The following GPR176 variants were observed in gnomAD, a reference collection of about 807,000 sequenced individuals.
The protein encoded by GPR176 is G-protein coupled receptor 176.
GPR176 carries 26 observed loss-of-function variants against 35.4 expected under a neutral mutation model. That is an observed-to-expected ratio of 0.74 (90% CI 0.54 to 1.02). GPR176 has a LOEUF of 1.02. GPR176 is among the 50% of genes least tolerant of loss of function. The pLI is 0.00. For synonymous variants in GPR176, 278 were observed against 271.3 expected (o/e 1.02, Z -0.24); for missense variants, 597 against 665.3 (o/e 0.90, Z 1.13).
At chr15:39,843,865 T>A (rs1053553699) in intron 1 of GPR176, among the ~76,000 whole-genome samples, 13 of 152,136 alleles carry the variant, frequency 8.5e-5, no homozygotes, top group Admixed American at 7.2e-4. Context: ...ACTTCCCTCA[T>A]TTAATTTCCT....
chr15:39,879,054 G>A (rs557520134), intron 1 of GPR176, among the ~76,000 whole-genome samples: 1 of 152,334 alleles, frequency 6.6e-6, no homozygotes, highest in East Asian at 1.9e-4. Flanking sequence ...ACTGAGTGCT[G>A]TAATGATACT....
chr15:39,911,441 C>T (rs1308386708), intron 1 of GPR176, among the ~76,000 whole-genome samples: 1 of 152,192 alleles, frequency 6.6e-6, no homozygotes. Flanking sequence ...ACAACTGTTT[C>T]GTATATGATT....
chr15:39,861,319 A>G (rs926819193), intron 1 of GPR176, among the ~76,000 whole-genome samples: 11 of 152,176 alleles, frequency 7.2e-5, no homozygotes, highest in Non-Finnish European at 4.4e-5. Flanking sequence ...TGGGAGGCCG[A>G]GGCTGGCAGA....
intron 1 of GPR176, among the ~76,000 whole-genome samples, chr15:39,870,158 C>T (rs974303977): frequency 2.6e-5 from 4 of 152,156 alleles, no homozygotes; most frequent in African/African-American, 9.7e-5. Flanking sequence ...GTCACATCTC[C>T]TCCTTCTGTA....
intron 1 of GPR176, among the ~76,000 whole-genome samples, chr15:39,822,506 T>C (rs1900341615): frequency 6.6e-6 from 1 of 152,254 alleles, no homozygotes; most frequent in African/African-American, 2.4e-5. Flanking sequence ...CATGAAACTA[T>C]AAATTAGTGA....
chr15:39,892,039 C>A (rs2032892112), intron 1 of GPR176, among the ~76,000 whole-genome samples: 1 of 152,102 alleles, frequency 6.6e-6, no homozygotes, highest in Non-Finnish European at 1.5e-5. Flanking sequence ...AATCTATATC[C>A]TTCTACTTTA....
chr15:39,892,342 A>G (rs1034521257), intron 1 of GPR176, among the ~76,000 whole-genome samples: 4 of 107,466 alleles, frequency 3.7e-5, no homozygotes, highest in Admixed American at 1.1e-4. Flanking sequence ...TAATTACATT[A>G]CATTAAGTAA....
chr15:39,902,898 A>G (rs1056978075), intron 1 of GPR176, among the ~76,000 whole-genome samples: 2 of 152,248 alleles, frequency 1.3e-5, no homozygotes, highest in East Asian at 1.9e-4. Flanking sequence ...TTGCTCAGAA[A>G]ATACAAAGTC....
At chr15:39,861,651 C>A (rs1381206920) in intron 1 of GPR176, among the ~76,000 whole-genome samples, 1 of 152,092 alleles carries the variant, frequency 6.6e-6, no homozygotes, top group Non-Finnish European at 1.5e-5. Context: ...GGATTTCTGA[C>A]AATCTCCATT....
chr15:39,848,366 T>G (rs955779080), intron 1 of GPR176, among the ~76,000 whole-genome samples: 1 of 152,120 alleles, frequency 6.6e-6, no homozygotes, highest in Non-Finnish European at 1.5e-5. Context: ...ACAGTTATAG[T>G]TGGAGATGTC....
At chr15:39,815,880 A>C (rs1899866423) in intron 1 of GPR176, among the ~76,000 whole-genome samples, 1 of 152,234 alleles carries the variant, frequency 6.6e-6, no homozygotes, top group African/African-American at 2.4e-5. Flanking sequence ...CCCGATCACC[A>C]AGATGTGGAA....
intron 1 of GPR176, among the ~76,000 whole-genome samples, chr15:39,812,699 C>A (rs533794396): frequency 6.6e-6 from 1 of 152,086 alleles, no homozygotes; most frequent in South Asian, 2.1e-4. Flanking sequence ...CACTAGAGAA[C>A]CCTGACTAAT....
intron 1 of GPR176, among the ~76,000 whole-genome samples, chr15:39,840,578 A>C (rs56058711): frequency 0.023 from 3,542 of 152,276 alleles, 175 homozygotes; most frequent in African/African-American, 0.079. Context: ...ACATGTATAC[A>C]TATGTAACAA....
chr15:39,874,264 T>G (rs2032158437), intron 1 of GPR176, among the ~76,000 whole-genome samples: 1 of 152,206 alleles, frequency 6.6e-6, no homozygotes, highest in South Asian at 2.1e-4. Flanking sequence ...CCCCAAGAGT[T>G]GACAACCCCT....
Position 39,835,048 on chromosome 15 carries a change from G to A in GPR176, c.173-27790C>T, listed in dbSNP as rs554029377. The stretch of plus-strand genomic sequence containing the variant: ...TTTTTTTATTTTGAGACAGAGTTTC[G>A]CTCTTGTTGCCCAGGCTAGAGTGCA... On this transcript the variant is annotated intron_variant, in intron 1 of 2. Coordinates refer to ENST00000561100, the MANE Select transcript of GPR176 (RefSeq NM_007223.3). Among the ~76,000 whole-genome samples, 5 of 151,814 alleles carry A rather than the reference G, an allele frequency of 3.3e-5. No individual in the cohort carries two copies. The South Asian group carries it at 6.3e-4, about 19-fold the overall frequency.
intron 1 of GPR176, among the ~76,000 whole-genome samples, chr15:39,919,220 T>G (rs1258336362): frequency 6.6e-6 from 1 of 150,894 alleles, no homozygotes; most frequent in Non-Finnish European, 1.5e-5. Context: ...GTGTGTGTGT[T>G]TTATCCTACC....
chr15:39,896,434 A>G (rs377019927), intron 1 of GPR176, among the ~76,000 whole-genome samples: 47 of 152,370 alleles, frequency 3.1e-4, no homozygotes, highest in African/African-American at 1.1e-3. Context: ...GTCAAAAAAT[A>G]TAAGAATGGT....
At chr15:39,846,062 A>G (rs2030402667) in intron 1 of GPR176, among the ~76,000 whole-genome samples, 1 of 152,196 alleles carries the variant, frequency 6.6e-6, no homozygotes, top group Admixed American at 6.5e-5. Context: ...GGAGAGCAAC[A>G]TTTTACTTTT....
chr15:39,850,240 G>A (rs1566950587), intron 1 of GPR176, among the ~76,000 whole-genome samples: 1 of 152,072 alleles, frequency 6.6e-6, no homozygotes, highest in Non-Finnish European at 1.5e-5. Context: ...GTGAGTGATT[G>A]CACTATGGCA....
Sources: allele counts gnomAD v4.1 joint callset (sites outside exome capture counted in the v4.1 genomes callset), GRCh38; gene constraint gnomAD v4.1.1; transcripts MANE v1.5; gene names NCBI Gene and HGNC (gene_info 2026-07-23, HGNC 2026-07-21).